The following VASN variants were observed in gnomAD, a reference collection of about 807,000 sequenced individuals.
The protein encoded by VASN is vasorin.
In VASN, 5 loss-of-function variants were observed where a neutral mutation model predicts 4.8. The ratio of observed to expected loss-of-function variants is 1.03; its 90% CI spans 0.54 to 2.17. The LOEUF is 2.17. VASN is among the 30% of genes most tolerant of loss of function. The pLI is 0.01. For synonymous variants in VASN, 499 were observed against 460.8 expected, an observed-to-expected ratio of 1.08 and a Z score of -1.06; for missense variants, 927 against 948.8, an observed-to-expected ratio of 0.98 and a Z score of 0.30.
chr16:4,382,194 G>C lies in VASN; in HGVS notation c.1317G>C (p.Leu439=). ...TGTGCCCCGAAGGCTTCACGGGCCT[G>C]TACTGTGAGAGCCAGATGGGGCAGG... The part of the protein sequence containing the change: ...ACLCPEGFTG[L]YCESQMGQGT... The change falls in exon 2 of 2, where the codon CTG becomes CTC. Residue 439 remains leucine (L), a synonymous_variant. Transcript: ENST00000304735. 4 of 1,601,854 alleles carry C rather than the reference G, an allele frequency of 2.5e-6. No individual in the cohort carries two copies. The highest frequency in any genetic ancestry group is 1.7e-5 in the Admixed American group (1 of 58,854).
rs1311192522 is a variant in VASN, at chr16:4,382,564, C to T, written c.1687C>T (p.His563Tyr). 5.0e-6 allele frequency: 8 copies of T among 1,593,246 alleles called. No individual in the cohort carries two copies. The highest frequency in any genetic ancestry group is 6.0e-6 in the Non-Finnish European group (7 of 1,171,336). ...TACACCCCCAGCCGTCCACTCCAACCACGCCCCAGTCACCCAGGCCCGCGA... is the reference window on the plus strand; with the variant it reads ...TACACCCCCAGCCGTCCACTCCAACTACGCCCCAGTCACCCAGGCCCGCGA... ...AHTPPAVHSN[H>Y]APVTQAREGN... Residue 563 changes from histidine (H) to tyrosine (Y), a missense_variant, in exon 2 of 2, where the codon CAC becomes TAC. Transcript: ENST00000304735.
chr16:4,381,204 C>T lies in VASN; in HGVS notation c.327C>T (p.Ala109=), dbSNP rs1192094073. 3 of 1,611,874 alleles carry T rather than the reference C, an allele frequency of 1.9e-6. No individual in the cohort carries two copies. Among genetic ancestry groups the T allele is most frequent in the African/African-American group, 2.7e-5 (2 of 74,932 alleles). Residue 109 remains alanine (A), a synonymous_variant, in exon 2 of 2, where the codon GCC becomes GCT. Transcript: ENST00000304735. ...LANLSNLDLT[A]NRLHEITNET... ...ACCTCAGCAACCTGGACCTGACAGC[C>T]AACAGGCTGCATGAAATCACCAATG... is the stretch of plus-strand genomic sequence containing the variant.
intron 1 of VASN, among the ~76,000 whole-genome samples, chr16:4,377,814 A>G (rs1443459023): frequency 6.6e-6 from 1 of 152,092 alleles, no homozygotes. Flanking sequence ...CAGGCAAAAG[A>G]GCTCACCGCA....
intron 1 of VASN, among the ~76,000 whole-genome samples, chr16:4,373,863 C>G (rs148661620): frequency 6.6e-6 from 1 of 152,196 alleles, no homozygotes; most frequent in Non-Finnish European, 1.5e-5. Context: ...AGAGGGGAGG[C>G]TGCCCACAGG....
At chr16:4,378,095 C>T (rs118148996) in intron 1 of VASN, among the ~76,000 whole-genome samples, 8 of 152,188 alleles carry the variant, frequency 5.3e-5, no homozygotes, top group Non-Finnish European at 1.2e-4. Flanking sequence ...AGAGCACCCC[C>T]CAGCACGTGC....
chr16:4,381,062 A>G lies in VASN; in HGVS notation c.185A>G (p.Asn62Ser). 6.2e-7 allele frequency: 1 copy of G among 1,610,540 alleles called. No homozygotes were observed. Among genetic ancestry groups the G allele is most frequent in the Non-Finnish European group, 8.5e-7 (1 of 1,179,136 alleles). ...ACGGTGGGGCTGTACGTCTTTGAGA[A>G]CGGCATCACCATGCTCGACGCAGGC... is the stretch of plus-strand genomic sequence containing the variant. ...PDTVGLYVFE[N>S]GITMLDAGSF... The change falls in exon 2 of 2, where the codon AAC becomes AGC. Residue 62 changes from asparagine to serine, a missense_variant. Coordinates refer to ENST00000304735, the MANE Select transcript of VASN (RefSeq NM_138440.3).
chr16:4,376,936 C>T (rs1264508176), intron 1 of VASN, among the ~76,000 whole-genome samples: 1 of 152,208 alleles, frequency 6.6e-6, no homozygotes, highest in Non-Finnish European at 1.5e-5. Flanking sequence ...AGGCAGAGTT[C>T]TGCGTTTATG....
At chr16:4,376,170 G>A (rs1020792949) in intron 1 of VASN, among the ~76,000 whole-genome samples, 1 of 152,148 alleles carries the variant, frequency 6.6e-6, no homozygotes, top group African/African-American at 2.4e-5. Context: ...GAGGGCCCAC[G>A]ACCCCTGACC....
chr16:4,382,586 G>A lies in VASN; in HGVS notation c.1709G>A (p.Arg570His), dbSNP rs780337131. ...HSNHAPVTQA[R>H]EGNLPLLIAP... ...AACCACGCCCCAGTCACCCAGGCCC[G>A]CGAGGGCAACCTGCCGCTCCTCATT... Residue 570 changes from arginine to histidine, a missense_variant, in exon 2 of 2, where the codon CGC (arginine) becomes CAC (histidine). Physicochemically the swap from Arg to His is conservative, Grantham distance 29. Coordinates refer to ENST00000304735, the MANE Select transcript of VASN (RefSeq NM_138440.3). 1.1e-5 allele frequency: 18 copies of A among 1,586,966 alleles called. No homozygotes were observed. The highest frequency in any genetic ancestry group is 5.2e-5 in the Admixed American group (3 of 57,584).
intron 1 of VASN, among the ~76,000 whole-genome samples, chr16:4,379,768 C>A: frequency 6.6e-6 from 1 of 151,616 alleles, no homozygotes; most frequent in East Asian, 1.9e-4. Context: ...CGAAGCCGGG[C>A]ACGGTGGCTC....
rs1258829833 is a variant in VASN, at chr16:4,381,558, G to C, written c.681G>C (p.Gln227His). The C allele has an allele frequency of 6.2e-7, 1 of 1,605,138 alleles. No homozygotes were observed. The highest frequency in any genetic ancestry group is 1.7e-5 in the Admixed American group (1 of 59,020). The change falls in exon 2 of 2, where the codon CAG becomes CAC. Residue 227 changes from glutamine to histidine, a missense_variant. Coordinates refer to ENST00000304735, the MANE Select transcript of VASN (RefSeq NM_138440.3). ...NLHDLDVSDN[Q>H]LERVPPVIRG... is the part of the protein sequence containing the mutation. ...ACGACCTGGATGTGTCCGACAACCAGCTGGAGCGAGTGCCACCTGTGATCC... is the reference window on the plus strand; with the variant it reads ...ACGACCTGGATGTGTCCGACAACCACCTGGAGCGAGTGCCACCTGTGATCC...
At chr16:4,377,013 C>A (rs536723086) in intron 1 of VASN, among the ~76,000 whole-genome samples, 5 of 152,212 alleles carry the variant, frequency 3.3e-5, no homozygotes, top group Non-Finnish European at 7.3e-5. Flanking sequence ...GACCAAGTCA[C>A]CCCAGACACA....
chr16:4,375,656 T>A (rs1157782635), intron 1 of VASN, among the ~76,000 whole-genome samples: 1 of 152,104 alleles, frequency 6.6e-6, no homozygotes, highest in Non-Finnish European at 1.5e-5. Context: ...CCTGGCTAAT[T>A]TTTTTGTATT....
At chr16:4,374,344 CCCTGGGTGTGAGGAGGCTGGAGGAGGCT>C (rs1275621948) in intron 1 of VASN, among the ~76,000 whole-genome samples, 3 of 152,148 alleles carry the variant, frequency 2.0e-5, no homozygotes, top group Non-Finnish European at 4.4e-5. Flanking sequence ...ATTCCAGCCT[CCCTGGGTGTGAGGAGGCTGGAGGAGGCT>C]CCCTCAGGCC....
chr16:4,376,893 C>T (rs79826115), intron 1 of VASN, among the ~76,000 whole-genome samples: 1 of 152,328 alleles, frequency 6.6e-6, no homozygotes, highest in Non-Finnish European at 1.5e-5. Context: ...GGCCTGAAAC[C>T]CTCTCCCTTA....
At chr16:4,378,973 C>T (rs1432119882) in intron 1 of VASN, among the ~76,000 whole-genome samples, 2 of 152,078 alleles carry the variant, frequency 1.3e-5, no homozygotes, top group African/African-American at 4.8e-5. Flanking sequence ...ACCCCGGGGA[C>T]AAGGGCTTCT....
chr16:4,381,156 C>A lies in VASN; in HGVS notation c.279C>A (p.Ser93Arg). ...AGAACCAGATCGCCAGCCTGCCCAG[C>A]GGGGTCTTCCAGCCACTCGCCAACC... ...LSQNQIASLP[S>R]GVFQPLANLS... The change falls in exon 2 of 2, where the codon AGC becomes AGA. Residue 93 changes from serine (S) to arginine (R), a missense_variant. Physicochemically the swap from Ser to Arg is moderately radical, Grantham distance 110. Coordinates refer to ENST00000304735, the MANE Select transcript of VASN (RefSeq NM_138440.3). The A allele has an allele frequency of 6.2e-7, 1 of 1,611,054 alleles. No homozygotes were observed. The highest frequency in any genetic ancestry group is 8.5e-7 in the Non-Finnish European group (1 of 1,179,238).
intron 1 of VASN, among the ~76,000 whole-genome samples, chr16:4,380,630 C>T (rs188853971): frequency 1.9e-3 from 291 of 152,158 alleles, no homozygotes; most frequent in African/African-American, 6.0e-3. Context: ...GGTCACTGCA[C>T]GTTCAGTGGA....
intron 1 of VASN, 35 bp from the exon 2 acceptor site, chr16:4,380,832 TCA>T (rs1342831070): frequency 1.9e-5 from 27 of 1,434,794 alleles, no homozygotes; most frequent in Middle Eastern, 2.4e-4. Flanking sequence ...GGCCCCTGAC[TCA>T]CAGTCTTCTG....
Sources: allele counts gnomAD v4.1 joint callset (sites outside exome capture counted in the v4.1 genomes callset), GRCh38; gene constraint gnomAD v4.1.1; transcripts MANE v1.5; gene names NCBI Gene and HGNC (gene_info 2026-07-23, HGNC 2026-07-21).